Variants in KLHL17 observed in about 807,000 individuals in gnomAD.
KLHL17 encodes kelch like family member 17.
Under a neutral mutation model 64.6 loss-of-function variants are expected in KLHL17, and 71 were observed. The ratio of observed to expected loss-of-function variants is 1.10; its 90% CI spans 0.91 to 1.34. KLHL17 has a LOEUF of 1.34. Ranked by LOEUF, KLHL17 falls within the 40% of genes most tolerant of loss-of-function variation. The probability of loss-of-function intolerance (pLI) is 0.00; values close to 1 mark genes in which losing one functional copy is unlikely to be tolerated. For synonymous variants in KLHL17, 612 were observed against 405.4 expected (o/e 1.51, Z -6.12); for missense variants, 1,140 against 935.0 (o/e 1.22, Z -2.86).
chr1:960,889 C>G (rs896457244), intron 1 of KLHL17, 89 bp downstream of exon 1: 17 of 893,756 alleles, frequency 1.9e-5, no homozygotes, highest in Non-Finnish European at 2.3e-5. Context: ...GGGCGGGGGC[C>G]GCTTCCGAGG....
chr1:962,507 A>C, intron 5 of KLHL17, 36 bp downstream of exon 5: 1 of 1,607,918 alleles, frequency 6.2e-7, no homozygotes, highest in Non-Finnish European at 8.5e-7. Flanking sequence ...CACAGCATCC[A>C]GGAGGGCATG....
chr1:961,265 C>A (rs1278539607), intron 1 of KLHL17, 28 bp from the exon 2 acceptor site: 2 of 1,416,442 alleles, frequency 1.4e-6, no homozygotes, highest in Non-Finnish European at 1.8e-6. Context: ...TCCAGCGGGG[C>A]GAAGCCTGAC....
chr1:962,553 C>G, intron 5 of KLHL17, 82 bp downstream of exon 5: 1 of 1,565,190 alleles, frequency 6.4e-7, no homozygotes, highest in Non-Finnish European at 8.7e-7. Context: ...CTGACCTTCC[C>G]CGAGTTCAGG....
At position 961,852 on chromosome 1, in the gene KLHL17, G is replaced by C; in HGVS notation, c.516G>C (p.Leu172=). Residue 172 remains leucine, a synonymous_variant, in exon 4 of 12, where the codon CTG becomes CTC. Coordinates refer to ENST00000338591, the MANE Select transcript of KLHL17 (RefSeq NM_198317.3). ...CTCTGCTCCCAGCCGCCAGTCTCCT[G>C]CAGCTGAATGGCGTCCGAGACGCTT... ...VQTLLPAASL[L]QLNGVRDACC... 5.0e-6 allele frequency: 8 copies of C among 1,611,234 alleles called. No homozygotes were observed. The highest frequency in any genetic ancestry group is 6.8e-6 in the Non-Finnish European group (8 of 1,179,964).
intron 4 of KLHL17, 105 bp downstream of exon 4, chr1:962,152 C>G: frequency 1.6e-6 from 2 of 1,263,618 alleles, no homozygotes; most frequent in South Asian, 1.3e-5. Context: ...TGCCCACAAT[C>G]CTTAGTGCCT....
Position 965,207 on chromosome 1 carries a change from A to G in KLHL17, c.*16A>G. 1.2e-6 allele frequency: 2 copies of G among 1,608,342 alleles called. No homozygotes were observed. The highest frequency in any genetic ancestry group is 1.1e-5 in the South Asian group (1 of 90,804). On this transcript the variant is annotated 3_prime_UTR_variant, in exon 12 of 12. Coordinates refer to ENST00000338591, the MANE Select transcript of KLHL17 (RefSeq NM_198317.3). Reference sequence around the variant, plus strand: ...CAGCCTCTGACCCACCTACCACCAGAGGCCTGCAGCCTCCCACATGCCTTA... The same window carrying G: ...CAGCCTCTGACCCACCTACCACCAGGGGCCTGCAGCCTCCCACATGCCTTA...
chr1:963,010 G>A (rs1368707301), intron 6 of KLHL17, 93 bp downstream of exon 6: 4 of 1,530,848 alleles, frequency 2.6e-6, no homozygotes, highest in South Asian at 1.2e-5. Context: ...GTCCTGACCT[G>A]CCCCTCCGCC....
rs751999861 is a variant in KLHL17, at chr1:963,381, C to T, written c.1232C>T (p.Pro411Leu). The part of the protein sequence containing the change: ...SDLATVESYD[P>L]VTNTWQPEVS... ...CTGGCTACCGTGGAGTCCTACGACC[C>T]CGTGACTAACACGTGGCAGCCGGAG... is the stretch of plus-strand genomic sequence containing the variant. Residue 411 changes from proline to leucine, a missense_variant, in exon 8 of 12, where the codon CCC becomes CTC. By Grantham distance (98) the Pro-to-Leu change is moderately conservative. Transcript: ENST00000338591. 1 of 1,612,578 alleles carries T rather than the reference C, an allele frequency of 6.2e-7. No homozygotes were observed. Among genetic ancestry groups the T allele is most frequent in the Non-Finnish European group, 8.5e-7 (1 of 1,179,814 alleles).
At position 965,428 on chromosome 1, in the gene KLHL17, T is replaced by TG. The variant is rs978892620; in HGVS notation, c.*243dup. On this transcript the variant is annotated 3_prime_UTR_variant, in exon 12 of 12. Coordinates refer to ENST00000338591, the MANE Select transcript of KLHL17 (RefSeq NM_198317.3). ...CGTGTCCTCCCCTCCACTGCCTGCA[T>TG]GGGGGGCGCGGGGAGTGACCAGGCG... The TG allele has an allele frequency of 1.9e-6, 1 of 522,786 alleles. No individual in the cohort carries two copies. The highest frequency in any genetic ancestry group is 3.4e-6 in the Non-Finnish European group (1 of 296,602). 32.4% of individuals were successfully genotyped at this position (522,786 alleles called of 1,614,324 possible).
At chr1:964,853 G>C in intron 11 of KLHL17, 110 bp from the exon 12 acceptor site, 1 of 938,576 alleles carries the variant, frequency 1.1e-6, no homozygotes, top group Non-Finnish European at 1.6e-6. Context: ...TGTGAGAAGG[G>C]AGTTCTCCCA....
intron 10 of KLHL17, 67 bp downstream of exon 10, chr1:964,247 C>T: frequency 6.9e-6 from 11 of 1,599,812 alleles, no homozygotes; most frequent in South Asian, 5.5e-5. Flanking sequence ...CTCTGTTTAC[C>T]CACATCCCCC....
chr1:962,089 C>A (rs760049342), intron 4 of KLHL17, 42 bp downstream of exon 4: 19 of 1,528,350 alleles, frequency 1.2e-5, no homozygotes, highest in South Asian at 4.7e-5. Flanking sequence ...CACCCCACCC[C>A]ACCCCAGTCT....
intron 8 of KLHL17, 94 bp downstream of exon 8, chr1:963,598 TAAAG>T (rs1175137723): frequency 2.2e-6 from 3 of 1,392,300 alleles, no homozygotes; most frequent in Non-Finnish European, 2.9e-6. Flanking sequence ...GATGGGGTGT[TAAAG>T]GAGGTGATCC....
In KLHL17 at chr1:964,093, T is replaced by A; in HGVS notation, c.1445-14T>A. 1 of 1,612,666 alleles carries A rather than the reference T, an allele frequency of 6.2e-7. No homozygotes were observed. Among genetic ancestry groups the A allele is most frequent in the Non-Finnish European group, 8.5e-7 (1 of 1,179,910 alleles). On this transcript the variant is annotated splice_polypyrimidine_tract_variant and intron_variant, in intron 9 of 11. Transcript: ENST00000338591. ...TCCCAGCAGGAGTGCCACGGGTGTG[T>A]TGACTTCCGGCAGATGGGAACCTGT...
chr1:963,771 C>A, intron 8 of KLHL17, 149 bp from the exon 9 acceptor site: 1 of 979,650 alleles, frequency 1.0e-6, no homozygotes, highest in Non-Finnish European at 1.6e-6. Flanking sequence ...GGTCCTGTGC[C>A]CACCAGCGGG....
rs778130378 is a variant in KLHL17, at chr1:964,210, C to A, written c.1518+30C>A. 5.6e-6 allele frequency: 9 copies of A among 1,610,980 alleles called. No homozygotes were observed. In the East Asian group the frequency reaches 6.7e-5, roughly 12 times the overall value. ...ATAGTGCACCCCTCCTGGCCACCCC[C>A]TCCCGTGCGCCGCGGGGCCCTCCTC... On this transcript the variant is annotated intron_variant, in intron 10 of 11. Coordinates refer to ENST00000338591, the MANE Select transcript of KLHL17 (RefSeq NM_198317.3).
chr1:963,337 C>T lies in KLHL17; in HGVS notation c.1188C>T (p.Gly396=), dbSNP rs200016628. 5.7e-5 allele frequency: 91 copies of T among 1,608,300 alleles called. No homozygotes were observed. The East Asian group carries it at 1.9e-3, about 34-fold the overall frequency. ...AVGNRLYAVG[G]YDGTSDLATV... ...ACCTGCAGTGGCTTAATTCCGCTAG[C>T]TATGATGGGACCTCAGACCTGGCTA... The change falls in exon 8 of 12, where the codon GGC becomes GGT. Residue 396 remains glycine (G), a splice_region_variant and synonymous_variant. Coordinates refer to ENST00000338591, the MANE Select transcript of KLHL17 (RefSeq NM_198317.3).
chr1:962,844 G>A lies in KLHL17; in HGVS notation c.969G>A (p.Gln323=). 1 of 1,600,790 alleles carries A rather than the reference G, an allele frequency of 6.2e-7. No individual in the cohort carries two copies. The highest frequency in any genetic ancestry group is 8.5e-7 in the Non-Finnish European group (1 of 1,176,456). The change falls in exon 6 of 12, where the codon CAG becomes CAA. Residue 323 remains glutamine, a synonymous_variant. Coordinates refer to ENST00000338591, the MANE Select transcript of KLHL17 (RefSeq NM_198317.3). Reference sequence around the variant, plus strand: ...TGAAGTTCCACCTGCTGCCTGAGCAGAGGGGCGTCCTAGGCACCAGCCGCA... The same window carrying A: ...TGAAGTTCCACCTGCTGCCTGAGCAAAGGGGCGTCCTAGGCACCAGCCGCA... ...EALKFHLLPE[Q]RGVLGTSRTR... is the part of the protein sequence containing the mutation.
Position 963,988 on chromosome 1 carries a change from A to G in KLHL17, c.1424A>G (p.Tyr475Cys). 6.2e-7 allele frequency: 1 copy of G among 1,612,638 alleles called. No individual in the cohort carries two copies. The change falls in exon 9 of 12, where the codon TAT becomes TGT. Residue 475 changes from tyrosine (Y) to cysteine (C), a missense_variant. Tyr to Cys is a radical substitution (Grantham distance 194, BLOSUM62 -2). Coordinates refer to ENST00000338591, the MANE Select transcript of KLHL17 (RefSeq NM_198317.3). ...GCTGCCATGAGCACCCGGAGGCGCTATGTGCGAGTGGCCACGCTTGGTGGG... is the reference window on the plus strand; with the variant it reads ...GCTGCCATGAGCACCCGGAGGCGCTGTGTGCGAGTGGCCACGCTTGGTGGG... ...SVAAMSTRRR[Y>C]VRVATLDGNL... is the part of the protein sequence containing the mutation.
Sources: allele counts gnomAD v4.1 joint callset, GRCh38; gene constraint gnomAD v4.1.1; transcripts MANE v1.5; gene names NCBI Gene and HGNC (gene_info 2026-07-23, HGNC 2026-07-21).